Variants in APLF observed in about 807,000 individuals in gnomAD.
The protein encoded by APLF is aprataxin and PNKP like factor, also known as aprataxin and PNK-like factor.
APLF carries 61 observed loss-of-function variants against 55.6 expected under a neutral mutation model. That is an observed-to-expected ratio of 1.10 (90% CI 0.89 to 1.36). The LOEUF is 1.36. APLF is among the 40% of genes most tolerant of loss of function. The pLI is 0.00. For missense variants in APLF, 611 were observed against 602.5 expected, an observed-to-expected ratio of 1.01 and a Z score of -0.15; for synonymous variants, 207 against 214.8, an observed-to-expected ratio of 0.96 and a Z score of 0.32.
chr2:68,473,422 C>T (rs1208886450), intron 1 of APLF, among the ~76,000 whole-genome samples: 2 of 152,128 alleles, frequency 1.3e-5, no homozygotes, highest in Non-Finnish European at 2.9e-5. Flanking sequence ...ATCTTGGTTG[C>T]TTTCAAGTTT....
intron 8 of APLF, among the ~76,000 whole-genome samples, chr2:68,561,931 A>G (rs1395588781): frequency 6.6e-6 from 1 of 152,058 alleles, no homozygotes; most frequent in Non-Finnish European, 1.5e-5. Flanking sequence ...TGTTTTTTGT[A>G]CTCCAACCAA....
intron 2 of APLF, among the ~76,000 whole-genome samples, chr2:68,493,594 C>T (rs1224584303): frequency 2.6e-5 from 4 of 152,150 alleles, no homozygotes; most frequent in Admixed American, 2.0e-4. Context: ...ATTTGAAACA[C>T]ATGTAATTGG....
intron 3 of APLF, 107 bp downstream of exon 3, chr2:68,503,010 A>C (rs939322332): frequency 8.2e-7 from 1 of 1,219,704 alleles, no homozygotes; most frequent in African/African-American, 1.6e-5. Context: ...CTGGAGATAG[A>C]GTAGGTGTGT....
At chr2:68,550,792 C>G (rs189458945) in intron 8 of APLF, among the ~76,000 whole-genome samples, 71 of 152,198 alleles carry the variant, frequency 4.7e-4, no homozygotes, top group African/African-American at 1.7e-3. Flanking sequence ...CCTTACATCA[C>G]TTTAATTTCA....
intron 1 of APLF, among the ~76,000 whole-genome samples, chr2:68,468,821 G>T (rs1675518007): frequency 6.6e-6 from 1 of 152,184 alleles, no homozygotes; most frequent in South Asian, 2.1e-4. Flanking sequence ...TGGGACCGGG[G>T]AGACACCTGT....
chr2:68,507,869 T>C (rs926698836), intron 3 of APLF, among the ~76,000 whole-genome samples: 1 of 151,892 alleles, frequency 6.6e-6, no homozygotes, highest in Non-Finnish European at 1.5e-5. Context: ...AATCCTTTGT[T>C]ATACTGAATT....
chr2:68,531,544 C>G (rs1670257418), intron 6 of APLF: 1 of 152,238 alleles, frequency 6.6e-6, no homozygotes, highest in Admixed American at 6.5e-5. Context: ...GCTATACACT[C>G]AGTTCCTTTG....
chr2:68,538,872 T>A (rs957226018), intron 7 of APLF, among the ~76,000 whole-genome samples: 2 of 152,200 alleles, frequency 1.3e-5, no homozygotes, highest in Non-Finnish European at 2.9e-5. Flanking sequence ...CCATTCCAAC[T>A]TGCCAAACCA....
intron 9 of APLF, 65 bp downstream of exon 9, chr2:68,567,452 T>C: frequency 1.6e-6 from 2 of 1,224,780 alleles, no homozygotes; most frequent in Non-Finnish European, 2.3e-6. Flanking sequence ...TTAAACCTAG[T>C]TTCCAGTTAT....
intron 9 of APLF, chr2:68,568,240 T>C (rs1573275978): frequency 1.0e-6 from 1 of 983,952 alleles, no homozygotes; most frequent in African/African-American, 1.7e-5. Flanking sequence ...ATACAGAGGC[T>C]GATTCAGCGC....
chr2:68,526,946 C>G (rs1033297504), intron 6 of APLF, among the ~76,000 whole-genome samples: 1 of 152,132 alleles, frequency 6.6e-6, no homozygotes, highest in Non-Finnish European at 1.5e-5. Flanking sequence ...ACTTTAATGT[C>G]GAAAATGCAA....
chr2:68,492,206 C>T (rs1458837195), intron 2 of APLF, among the ~76,000 whole-genome samples: 4 of 151,940 alleles, frequency 2.6e-5, no homozygotes, highest in Admixed American at 6.6e-5. Flanking sequence ...AGGCTGGGCG[C>T]GGTGGCTCAC....
intron 2 of APLF, among the ~76,000 whole-genome samples, chr2:68,500,428 A>G (rs1355797122): frequency 6.6e-6 from 1 of 152,234 alleles, no homozygotes. Context: ...ATACTCAAAC[A>G]GAATATTGCG....
At position 68,526,191 on chromosome 2, in the gene APLF, A is replaced by T. The variant is rs762551893; in HGVS notation, c.753A>T (p.Thr251=). The T allele has an allele frequency of 6.2e-7, 1 of 1,613,566 alleles. No individual in the cohort carries two copies. The change falls in exon 6 of 10, where the codon ACA becomes ACT. Residue 251 remains threonine (T), a synonymous_variant. Coordinates refer to ENST00000303795, the MANE Select transcript of APLF (RefSeq NM_173545.3). ...SSENTSAEQD[T]GEECKNTDQE... is the part of the protein sequence containing the mutation. ...AAAATACATCAGCAGAACAAGACAC[A>T]GGAGAAGAGTGCAAAAATACTGATC...
At chr2:68,515,638 G>A (rs1669559241) in intron 5 of APLF, 18 of 984,500 alleles carry the variant, frequency 1.8e-5, no homozygotes, top group Non-Finnish European at 2.2e-5. Context: ...TTGAAAATAC[G>A]AATGAGAGTA....
intron 1 of APLF, among the ~76,000 whole-genome samples, chr2:68,468,701 C>A (rs942707032): frequency 2.0e-5 from 3 of 152,152 alleles, no homozygotes; most frequent in African/African-American, 7.2e-5. Context: ...CTTTAACATT[C>A]AACATTTCTT....
intron 8 of APLF, among the ~76,000 whole-genome samples, chr2:68,551,302 TTAAC>T (rs1336564903): frequency 6.6e-6 from 1 of 152,124 alleles, no homozygotes; most frequent in Non-Finnish European, 1.5e-5. Flanking sequence ...TTTTAACAGT[TTAAC>T]TAACGTGCCT....
intron 9 of APLF, 147 bp downstream of exon 9, chr2:68,567,534 TA>T (rs71395979): frequency 3.8e-4 from 246 of 653,572 alleles, no homozygotes; most frequent in Middle Eastern, 1.8e-3. Flanking sequence ...TTTCTTATAT[TA>T]AAAAAAAACA....
intron 6 of APLF, among the ~76,000 whole-genome samples, chr2:68,532,024 C>A (rs1160227085): frequency 6.6e-6 from 1 of 152,106 alleles, no homozygotes; most frequent in East Asian, 1.9e-4. Flanking sequence ...TTTCATGATC[C>A]TTTATGCAGG....
Sources: allele counts gnomAD v4.1 joint callset (sites outside exome capture counted in the v4.1 genomes callset), GRCh38; gene constraint gnomAD v4.1.1; transcripts MANE v1.5; gene names NCBI Gene and HGNC (gene_info 2026-07-23, HGNC 2026-07-21).